TCAF1: variants seen among roughly 807,000 people sequenced by gnomAD.
TCAF1 encodes the protein TRPM8 channel-associated factor 1.
Under a neutral mutation model 27.3 loss-of-function variants are expected in TCAF1, and 4 were observed. That is an observed-to-expected ratio of 0.15 (90% CI 0.07 to 0.34). The LOEUF (loss-of-function observed/expected upper bound fraction) is 0.34, where lower values mean the gene tolerates loss of function less well. Among genes scored for constraint, TCAF1 ranks in the 10% least tolerant of loss-of-function variants. The probability of loss-of-function intolerance (pLI) is 1.00; values close to 1 mark genes in which losing one functional copy is unlikely to be tolerated. For synonymous variants in TCAF1, 105 were observed against 167.1 expected (o/e 0.63, Z 2.87); for missense variants, 257 against 425.8 (o/e 0.60, Z 3.49).
chr7:143,877,957 A>G (rs1452697139), intron 1 of TCAF1, among the ~76,000 whole-genome samples: 2 of 152,222 alleles, frequency 1.3e-5, no homozygotes, highest in Admixed American at 6.5e-5. Flanking sequence ...CACTCCCAAC[A>G]TAATACGCAA....
Position 143,876,170 on chromosome 7 carries a change from C to A in TCAF1, c.439G>T (p.Gly147Cys). ...KLVKFMKCGG[G>C]LLIGGQAWDW... ...CAGGCTTGTCCTCCTATGAGCAAGC[C>A]GCCACCACATTTCATGAACTTGACC... The change falls in exon 2 of 9, where the codon GGC becomes TGC. Residue 147 changes from glycine (G) to cysteine (C), a missense_variant. Physicochemically the swap from Gly to Cys is radical, Grantham distance 159. Coordinates refer to ENST00000479870, the MANE Select transcript of TCAF1 (RefSeq NM_014719.3). The A allele has an allele frequency of 6.2e-7, 1 of 1,614,202 alleles. No homozygotes were observed. The highest frequency in any genetic ancestry group is 8.5e-7 in the Non-Finnish European group (1 of 1,180,022).
At chr7:143,879,835 T>C (rs112577064) in intron 1 of TCAF1, among the ~76,000 whole-genome samples, 16 of 152,172 alleles carry the variant, frequency 1.1e-4, no homozygotes, top group African/African-American at 3.4e-4. Flanking sequence ...CAGCCATCTA[T>C]CCACACACAC....
At chr7:143,882,915 C>A in intron 1 of TCAF1, 3 of 971,386 alleles carry the variant, frequency 3.1e-6, no homozygotes, top group African/African-American at 1.8e-5. Flanking sequence ...CCCCTCCTCC[C>A]CACTTCCTCC....
At position 143,859,933 on chromosome 7, in the gene TCAF1, TA is replaced by T. The variant is rs1399185454; in HGVS notation, c.2167+274del. 1.8e-3 allele frequency among the ~76,000 whole-genome samples: 143 copies of T among 81,306 alleles called. 4 individuals carry two copies. The highest frequency in any genetic ancestry group is 2.6e-3 in the Non-Finnish European group (115 of 44,334). The allele number at this position is 81,306 out of a possible 152,430, so 53.3% of individuals were successfully genotyped here. Reference sequence around the variant, plus strand: ...ATATTACGGAATATATATTATATAATATATATTATATAATATATATTACGGA... The same window carrying T: ...ATATTACGGAATATATATTATATAATTATATTATATAATATATATTACGGA... On this transcript the variant is annotated intron_variant, in intron 6 of 8. Coordinates refer to ENST00000479870, the MANE Select transcript of TCAF1 (RefSeq NM_014719.3).
chr7:143,875,847 T>TA, intron 2 of TCAF1, 142 bp downstream of exon 2: 2 of 667,328 alleles, frequency 3.0e-6, no homozygotes, highest in Middle Eastern at 4.0e-4. Context: ...TCAGGGCATT[T>TA]AAAAAATCTA....
At chr7:143,883,309 G>A (rs2116819007) in intron 1 of TCAF1, among the ~76,000 whole-genome samples, 1 of 152,222 alleles carries the variant, frequency 6.6e-6, no homozygotes, top group Non-Finnish European at 1.5e-5. Flanking sequence ...AGAAGGGAAG[G>A]CTACATTTCT....
intron 6 of TCAF1, among the ~76,000 whole-genome samples, chr7:143,859,902 TA>T (rs1411396376): frequency 4.5e-5 from 2 of 44,112 alleles, no homozygotes; most frequent in South Asian, 6.7e-4. Context: ...ATATATTATA[TA>T]ATATATATTA....
intron 1 of TCAF1, chr7:143,882,511 G>T (rs1359125877): frequency 9.1e-6 from 9 of 985,378 alleles, no homozygotes; most frequent in Non-Finnish European, 1.1e-5. Flanking sequence ...GGGGATGCGG[G>T]ACCCAAGCGC....
chr7:143,899,085 A>G (rs1814009475), intron 1 of TCAF1, among the ~76,000 whole-genome samples: 1 of 152,206 alleles, frequency 6.6e-6, no homozygotes, highest in African/African-American at 2.4e-5. Context: ...TACATTACTC[A>G]GTCTCAGGTA....
In TCAF1 at chr7:143,876,338, G is replaced by A; in HGVS notation, c.271C>T (p.Pro91Ser). ...GCCAGGGATGGGTGTACACCAATGG[G>A]AGCCCCAGGGGAAGAGCAAAGCCAC... Reference protein sequence around the residue: ...VGWLCSSPGAPIGVHPSLAPL... With the variant: ...VGWLCSSPGASIGVHPSLAPL... The change falls in exon 2 of 9, where the codon CCC becomes TCC. Residue 91 changes from proline to serine, a missense_variant. Physicochemically the swap from Pro to Ser is moderately conservative, Grantham distance 74 (BLOSUM62 -1). This residue lies in a region of TCAF1 where 255 missense variants were observed against 260.1 expected (regional missense o/e 0.98). Coordinates refer to ENST00000479870, the MANE Select transcript of TCAF1 (RefSeq NM_014719.3). 6.2e-7 allele frequency: 1 copy of A among 1,614,184 alleles called. No individual in the cohort carries two copies. Among genetic ancestry groups the A allele is most frequent in the Non-Finnish European group, 8.5e-7 (1 of 1,180,038 alleles).
At chr7:143,882,499 A>T in intron 1 of TCAF1, 1 of 985,382 alleles carries the variant, frequency 1.0e-6, no homozygotes, top group Non-Finnish European at 1.2e-6. Context: ...GCAATGCGGC[A>T]GGGGGATGCG....
At chr7:143,890,098 C>T (rs1243821317) in intron 1 of TCAF1, among the ~76,000 whole-genome samples, 3 of 152,084 alleles carry the variant, frequency 2.0e-5, no homozygotes, top group African/African-American at 7.2e-5. Context: ...ACGCCATTCT[C>T]CTGCCTCAGC....
chr7:143,901,716 C>T (rs990972423), intron 1 of TCAF1, among the ~76,000 whole-genome samples: 5 of 152,194 alleles, frequency 3.3e-5, no homozygotes, highest in Non-Finnish European at 5.9e-5. Flanking sequence ...GAGCAAAAAA[C>T]AAATCCTACG....
intron 1 of TCAF1, chr7:143,885,215 CG>C (rs1162116090): frequency 1.0e-6 from 1 of 985,456 alleles, no homozygotes; most frequent in Non-Finnish European, 1.2e-6. Flanking sequence ...CTCACCCTTT[CG>C]TCCAGCAATT....
At chr7:143,893,492 T>C (rs573206338) in intron 1 of TCAF1, among the ~76,000 whole-genome samples, 3 of 152,132 alleles carry the variant, frequency 2.0e-5, no homozygotes, top group African/African-American at 4.8e-5. Context: ...TGTCAAACAT[T>C]TTCTCAAATA....
chr7:143,890,894 C>G (rs2116850656), intron 1 of TCAF1, among the ~76,000 whole-genome samples: 1 of 152,190 alleles, frequency 6.6e-6, no homozygotes, highest in Middle Eastern at 3.4e-3. Flanking sequence ...AAATAGTGGC[C>G]AAAGAGCTAA....
chr7:143,877,446 G>T (rs1812779300), intron 1 of TCAF1, among the ~76,000 whole-genome samples: 1 of 152,182 alleles, frequency 6.6e-6, no homozygotes, highest in East Asian at 1.9e-4. Flanking sequence ...AAAGCCACAG[G>T]CTAGGTAAGA....
At chr7:143,857,554 A>G (rs1299033982) in intron 7 of TCAF1, among the ~76,000 whole-genome samples, 1 of 152,308 alleles carries the variant, frequency 6.6e-6, no homozygotes, top group Non-Finnish European at 1.5e-5. Flanking sequence ...TGGGACCAGC[A>G]CGGTGTTCAA....
At chr7:143,877,238 T>G (rs1812767598) in intron 1 of TCAF1, among the ~76,000 whole-genome samples, 1 of 152,140 alleles carries the variant, frequency 6.6e-6, no homozygotes, top group South Asian at 2.1e-4. Context: ...TGAGATGATG[T>G]CTTCCTGTTA....
Sources: allele counts gnomAD v4.1 joint callset (sites outside exome capture counted in the v4.1 genomes callset), GRCh38; gene constraint gnomAD v4.1.1; regional missense constraint gnomAD v4.1.1; transcripts MANE v1.5; gene names NCBI Gene and HGNC (gene_info 2026-07-23, HGNC 2026-07-21).